Variants in CORO2B observed in about 807,000 individuals in gnomAD.
The protein encoded by CORO2B is coronin 2B.
CORO2B carries 26 observed loss-of-function variants against 58.8 expected under a neutral mutation model. The observed-to-expected ratio is 0.44, with a 90% CI of 0.32 to 0.61. The LOEUF is 0.61. CORO2B is among the 20% of genes least tolerant of loss of function. The pLI, the probability that CORO2B is intolerant of heterozygous loss-of-function variation, is 0.04. For synonymous variants in CORO2B, 242 were observed against 253.8 expected (o/e 0.95, Z 0.44); for missense variants, 460 against 645.1 (o/e 0.71, Z 3.11).
chr15:68,570,031 C>T, the CORO2B span, among the ~76,000 whole-genome samples: 8 of 152,180 alleles, frequency 5.3e-5, no homozygotes, highest in African/African-American at 1.9e-4. Context: ...GGCTACTGTA[C>T]TCTGGTGGGT....
the CORO2B span, among the ~76,000 whole-genome samples, chr15:68,520,428 G>A: frequency 3.9e-5 from 6 of 152,184 alleles, no homozygotes; most frequent in African/African-American, 1.2e-4. Context: ...TTTGCTCCGT[G>A]TAATTTGAAG....
chr15:68,602,407 T>TCACACACA (rs370587519), intron 1 of CORO2B, among the ~76,000 whole-genome samples: 2,051 of 139,018 alleles, frequency 0.015, 16 homozygotes, highest in Non-Finnish European at 0.018. Flanking sequence ...TAGGGGCTGA[T>TCACACACA]CACACACACA....
intron 2 of CORO2B, among the ~76,000 whole-genome samples, chr15:68,683,575 C>A (rs535096407): frequency 3.3e-5 from 5 of 152,216 alleles, no homozygotes; most frequent in Non-Finnish European, 5.9e-5. Flanking sequence ...ACCCCTCCCC[C>A]CACTGTAGGA....
At chr15:68,534,306 ATG>A in the CORO2B span, among the ~76,000 whole-genome samples, 151 of 152,356 alleles carry the variant, frequency 9.9e-4, no homozygotes, top group African/African-American at 3.6e-3. Context: ...GTGTGCACAC[ATG>A]CACACACTTG....
intron 1 of CORO2B, among the ~76,000 whole-genome samples, chr15:68,616,124 A>G (rs1433674802): frequency 2.6e-5 from 4 of 152,182 alleles, no homozygotes; most frequent in African/African-American, 9.7e-5. Context: ...GTAATTGCCC[A>G]AGGACTGACT....
intron 1 of CORO2B, among the ~76,000 whole-genome samples, chr15:68,617,157 T>G (rs56257732): frequency 0.051 from 7,720 of 152,172 alleles, 260 homozygotes; most frequent in Non-Finnish European, 0.082. Flanking sequence ...CAACATTGGC[T>G]TTCGTGGGCT....
At chr15:68,576,673 T>C (rs1050335132), upstream of CORO2B, among the ~76,000 whole-genome samples, 13 of 152,202 alleles carry the variant, frequency 8.5e-5, no homozygotes, top group Non-Finnish European at 1.8e-4. Context: ...AGCTCCATCC[T>C]TCTGGCTAGA....
chr15:68,662,728 G>A (rs1014002165), intron 2 of CORO2B, among the ~76,000 whole-genome samples: 1 of 152,226 alleles, frequency 6.6e-6, no homozygotes, highest in Admixed American at 6.5e-5. Context: ...ATTTGGTGCA[G>A]TTATGACTTA....
intron 1 of CORO2B, among the ~76,000 whole-genome samples, chr15:68,609,252 G>A (rs149758560): frequency 7.1e-4 from 108 of 152,270 alleles, no homozygotes; most frequent in African/African-American, 2.5e-3. Flanking sequence ...CACCTGAAAG[G>A]GACACATTTG....
intron 2 of CORO2B, among the ~76,000 whole-genome samples, chr15:68,656,645 G>A (rs962435672): frequency 2.0e-5 from 3 of 152,048 alleles, no homozygotes; most frequent in Admixed American, 6.6e-5. Flanking sequence ...GAGACTTCCC[G>A]TGAGAGGCTT....
chr15:68,596,897 TG>T (rs1043396446), intron 1 of CORO2B, among the ~76,000 whole-genome samples: 8 of 152,092 alleles, frequency 5.3e-5, no homozygotes, highest in African/African-American at 1.9e-4. Flanking sequence ...CCTCCTGACC[TG>T]GGGCCCATGG....
At chr15:68,616,693 A>C (rs1402658940) in intron 1 of CORO2B, 1 of 890,048 alleles carries the variant, frequency 1.1e-6, no homozygotes, top group African/African-American at 1.8e-5. Flanking sequence ...CCCATGGGCG[A>C]GGGCTAGCGT....
At chr15:68,642,091 C>T (rs568370381) in intron 1 of CORO2B, among the ~76,000 whole-genome samples, 6 of 136,378 alleles carry the variant, frequency 4.4e-5, no homozygotes, top group Admixed American at 3.3e-4. Flanking sequence ...AGCTGGAGTG[C>T]AGTGGCGCGA....
At chr15:68,560,291 TC>T in the CORO2B span, among the ~76,000 whole-genome samples, 2 of 148,606 alleles carry the variant, frequency 1.3e-5, no homozygotes, top group Non-Finnish European at 3.0e-5. Context: ...TTTCTTTCTT[TC>T]TTTATTTTTT....
chr15:68,596,714 C>T (rs1043701274), intron 1 of CORO2B, among the ~76,000 whole-genome samples: 4 of 152,320 alleles, frequency 2.6e-5, no homozygotes, highest in Admixed American at 2.6e-4. Flanking sequence ...AGGGAAGATG[C>T]ATCTTCAGGC....
the CORO2B span, among the ~76,000 whole-genome samples, chr15:68,571,067 G>A: frequency 8.5e-5 from 13 of 152,206 alleles, no homozygotes; most frequent in Non-Finnish European, 1.5e-4. Flanking sequence ...ACATCTAAAA[G>A]CCATGCCCCA....
At chr15:68,711,180 C>T (rs891604340) in intron 4 of CORO2B, among the ~76,000 whole-genome samples, 1 of 152,000 alleles carries the variant, frequency 6.6e-6, no homozygotes, top group Admixed American at 6.5e-5. Context: ...CAAGAGGTGG[C>T]AAAAGGGGTA....
chr15:68,582,154 G>A (rs539800120), intron 1 of CORO2B, among the ~76,000 whole-genome samples: 17 of 152,288 alleles, frequency 1.1e-4, no homozygotes, highest in African/African-American at 2.2e-4. Flanking sequence ...TAAAGCTGCC[G>A]GCAAACCCTG....
the CORO2B span, among the ~76,000 whole-genome samples, chr15:68,569,326 A>C: frequency 1.3e-5 from 2 of 152,122 alleles, no homozygotes; most frequent in Non-Finnish European, 2.9e-5. Flanking sequence ...GCCACCACTG[A>C]TCTTTTCGCT....
Sources: allele counts gnomAD v4.1 joint callset (sites outside exome capture counted in the v4.1 genomes callset), GRCh38; gene constraint gnomAD v4.1.1; transcripts MANE v1.5; gene names NCBI Gene and HGNC (gene_info 2026-07-23, HGNC 2026-07-21).